Variants in PVT1 observed in about 807,000 individuals in gnomAD.
The protein encoded by PVT1 is Pvt1 oncogene.
intron 2 of PVT1, among the ~76,000 whole-genome samples, chr8:127,843,845 A>C (rs1815000454): frequency 6.6e-6 from 1 of 151,616 alleles, no homozygotes; most frequent in South Asian, 2.1e-4. Context: ...TGCTTGAGAG[A>C]AGCACCTTTC....
intron 3 of PVT1, among the ~76,000 whole-genome samples, chr8:127,932,155 CG>C (rs1269643181): frequency 1.3e-5 from 2 of 152,188 alleles, no homozygotes; most frequent in South Asian, 4.1e-4. Flanking sequence ...CTGGGAATGC[CG>C]TGCACTCCCA....
intron 3 of PVT1, among the ~76,000 whole-genome samples, chr8:127,932,253 G>T (rs3739379): frequency 0.32 from 48,936 of 152,108 alleles, 8,257 homozygotes; most frequent in East Asian, 0.53. Context: ...GCCTCAAGGA[G>T]GCAGGGGGTC....
chr8:127,806,468 A>T (rs991173424), intron 2 of PVT1, among the ~76,000 whole-genome samples: 18 of 150,992 alleles, frequency 1.2e-4, no homozygotes, highest in African/African-American at 2.7e-4. Context: ...TAAAAAATTA[A>T]AAAAAAAAGC....
At chr8:127,874,406 G>A (rs570629270) in intron 2 of PVT1, among the ~76,000 whole-genome samples, 1 of 152,348 alleles carries the variant, frequency 6.6e-6, no homozygotes, top group African/African-American at 2.4e-5. Context: ...AGGAGAATCA[G>A]TGAATGACAC....
At chr8:127,827,287 CACCCG>C (rs1484889518) in intron 2 of PVT1, among the ~76,000 whole-genome samples, 1 of 152,164 alleles carries the variant, frequency 6.6e-6, no homozygotes, top group Non-Finnish European at 1.5e-5. Context: ...TGAGCCACCA[CACCCG>C]ACCTAGCCCC....
At chr8:127,866,070 A>G (rs1402832128) in intron 2 of PVT1, among the ~76,000 whole-genome samples, 1 of 151,974 alleles carries the variant, frequency 6.6e-6, no homozygotes, top group Non-Finnish European at 1.5e-5. Context: ...CTGCCTGGCC[A>G]GGATGGCGTG....
At chr8:127,998,406 T>C (rs1462343657) in intron 4 of PVT1, 1 of 152,218 alleles carries the variant, frequency 6.6e-6, no homozygotes, top group Admixed American at 6.5e-5. Context: ...AATCCAATAA[T>C]ATGGTTTTAT....
chr8:128,058,635 A>G (rs1319797736), intron 4 of PVT1, among the ~76,000 whole-genome samples: 1 of 152,150 alleles, frequency 6.6e-6, no homozygotes, highest in Admixed American at 6.5e-5. Context: ...ACTATTATAA[A>G]CAGTGTTGGT....
At chr8:127,931,434 C>A (rs1282889185) in intron 3 of PVT1, among the ~76,000 whole-genome samples, 1 of 152,190 alleles carries the variant, frequency 6.6e-6, no homozygotes, top group Admixed American at 6.5e-5. Flanking sequence ...ATCTCTAGGA[C>A]CCTGACTGGC....
At chr8:127,834,850 T>C (rs1373913293) in intron 2 of PVT1, among the ~76,000 whole-genome samples, 1 of 152,056 alleles carries the variant, frequency 6.6e-6, no homozygotes, top group Non-Finnish European at 1.5e-5. Context: ...AAAAAACAAC[T>C]CATCATTACT....
chr8:128,075,458 A>T (rs886125272), intron 5 of PVT1, among the ~76,000 whole-genome samples: 11 of 152,158 alleles, frequency 7.2e-5, no homozygotes, highest in Admixed American at 5.9e-4. Context: ...TTTAAAAAAA[A>T]ATCTTTTATT....
chr8:127,820,958 C>A (rs1814721512), intron 2 of PVT1, among the ~76,000 whole-genome samples: 1 of 152,158 alleles, frequency 6.6e-6, no homozygotes, highest in South Asian at 2.1e-4. Context: ...ATCCGCCCGC[C>A]TTGGTCTCCC....
chr8:127,897,825 AAAAG>A (rs757197012), intron 3 of PVT1, among the ~76,000 whole-genome samples: 90 of 149,038 alleles, frequency 6.0e-4, no homozygotes, highest in Admixed American at 1.0e-3. Context: ...AAAAGAAAAG[AAAAG>A]AAAGAAAGAA....
chr8:127,966,522 T>A (rs1816704310), intron 3 of PVT1, among the ~76,000 whole-genome samples: 1 of 152,184 alleles, frequency 6.6e-6, no homozygotes, highest in Non-Finnish European at 1.5e-5. Context: ...GGATGGAGCT[T>A]GCCCCTCTTC....
chr8:127,897,958 GGAAA>G (rs1322187045), intron 3 of PVT1, among the ~76,000 whole-genome samples: 2 of 147,514 alleles, frequency 1.4e-5, no homozygotes, highest in Admixed American at 6.8e-5. Flanking sequence ...AAGGAAGGAA[GGAAA>G]GAAGGAAGGA....
At chr8:127,845,315 A>G (rs1815019752) in intron 2 of PVT1, among the ~76,000 whole-genome samples, 1 of 152,132 alleles carries the variant, frequency 6.6e-6, no homozygotes, top group African/African-American at 2.4e-5. Context: ...TTATTGTTGC[A>G]TGAATGGCCT....
intron 4 of PVT1, among the ~76,000 whole-genome samples, chr8:128,023,202 A>G (rs1363183759): frequency 6.6e-6 from 1 of 152,108 alleles, no homozygotes; most frequent in Non-Finnish European, 1.5e-5. Context: ...TTCCATTTCC[A>G]CTGTTGAATC....
chr8:127,922,181 A>G (rs941499034), intron 3 of PVT1, among the ~76,000 whole-genome samples: 2 of 151,984 alleles, frequency 1.3e-5, no homozygotes, highest in Admixed American at 1.3e-4. Flanking sequence ...AAAGTATAAG[A>G]TCAATCTTAT....
At chr8:127,864,840 G>A (rs1462116698) in intron 2 of PVT1, among the ~76,000 whole-genome samples, 1 of 152,160 alleles carries the variant, frequency 6.6e-6, no homozygotes, top group Non-Finnish European at 1.5e-5. Context: ...GAGTCACTGC[G>A]CCCAGCCAGG....
Sources: gnomAD v4.1 joint callset for allele counts (sites outside exome capture counted in the v4.1 genomes callset) on GRCh38, gnomAD v4.1.1 for gene constraint, MANE v1.5 for transcripts, NCBI Gene and HGNC (gene_info 2026-07-23, HGNC 2026-07-21) for gene names.